Variants in CHRM3 observed in about 807,000 individuals in gnomAD.
CHRM3 encodes muscarinic acetylcholine receptor M3.
A neutral mutation model predicts 41.8 loss-of-function variants in CHRM3; 11 were observed. The ratio of observed to expected loss-of-function variants is 0.26; its 90% confidence interval spans 0.17 to 0.44. CHRM3 has a LOEUF of 0.44. Ranked by LOEUF, CHRM3 falls within the 20% of genes least tolerant of loss-of-function variation. The pLI is 1.00. For missense variants in CHRM3, 571 were observed against 745.4 expected (o/e 0.77, Z 2.72); for synonymous variants, 297 against 301.4 (o/e 0.99, Z 0.15).
At chr1:239,901,900 A>C (rs1377152190) in intron 6 of CHRM3, among the ~76,000 whole-genome samples, 1 of 152,192 alleles carries the variant, frequency 6.6e-6, no homozygotes, top group Non-Finnish European at 1.5e-5. Context: ...TTCATGGTGT[A>C]CATGCCTTTT....
At chr1:239,668,089 CTTTTTTTTTTTTTT>C (rs1221135009) in intron 4 of CHRM3, among the ~76,000 whole-genome samples, 237 of 75,604 alleles carry the variant, frequency 3.1e-3, no homozygotes, top group African/African-American at 0.011. Flanking sequence ...TTTCCCCTTT[CTTTTTTTTTTTTTT>C]TTTTTTTTTT....
intron 3 of CHRM3, among the ~76,000 whole-genome samples, chr1:239,583,857 T>A (rs1420249592): frequency 6.6e-6 from 1 of 152,088 alleles, no homozygotes; most frequent in Non-Finnish European, 1.5e-5. Flanking sequence ...CTCTTGTGAC[T>A]ATTTAGAGAA....
At position 239,684,638 on chromosome 1, in the gene CHRM3, G is replaced by A. The variant is rs534478481; in HGVS notation, c.-147+6350G>A. Among the ~76,000 whole-genome samples the A allele has an allele frequency of 4.0e-5, 6 of 149,082 alleles. No homozygotes were observed. The South Asian group carries it at 1.1e-3, about 27-fold the overall frequency. On this transcript the variant is annotated intron_variant, in intron 5 of 6. Transcript: ENST00000676153. ...TGCACTACAGCCTGGGCAACAGAGC[G>A]AGATTCCGTCTCAAAAAAAAGAAAA...
In CHRM3 at chr1:239,827,356, C is replaced by T. The variant is rs1001445936; in HGVS notation, c.-42C>T. ...ATGTCACTGTTTTGCATCCTTGTTA[C>T]ATAACTCAGTTCCTGGTAGATTGTA... On this transcript the variant is annotated 5_prime_UTR_variant, in exon 6 of 7. Transcript: ENST00000676153. The T allele has an allele frequency of 2.0e-5, 3 of 152,158 alleles. No homozygotes were observed. The highest frequency in any genetic ancestry group is 7.2e-5 in the African/African-American group (3 of 41,434). The allele number at this position is 152,158 out of a possible 1,614,324, so 9.4% of individuals were successfully genotyped here.
intron 5 of CHRM3, among the ~76,000 whole-genome samples, chr1:239,739,062 GT>G (rs1286556406): frequency 1.3e-5 from 2 of 152,182 alleles, no homozygotes; most frequent in Non-Finnish European, 2.9e-5. Flanking sequence ...TAAGAACAGA[GT>G]TGCTGTTCTG....
At chr1:239,414,467 G>A (rs376957257) in intron 1 of CHRM3, among the ~76,000 whole-genome samples, 1 of 152,212 alleles carries the variant, frequency 6.6e-6, no homozygotes, top group Non-Finnish European at 1.5e-5. Flanking sequence ...CCATCCTCCA[G>A]CCTTTTCAAT....
chr1:239,816,550 C>T (rs1671602292), intron 5 of CHRM3, among the ~76,000 whole-genome samples: 1 of 152,028 alleles, frequency 6.6e-6, no homozygotes, highest in African/African-American at 2.4e-5. Flanking sequence ...CAGAATGTTG[C>T]TCCCCAGGCC....
rs979545722 is a variant in CHRM3, at chr1:239,522,374, G to A, written c.-421-23267G>A. Reference sequence around the variant, plus strand: ...TGTGAGTGAGCCTCTTGGAAGCTGGGGCCAGAGTCCCACCCAATCCCTTAG... The same window carrying A: ...TGTGAGTGAGCCTCTTGGAAGCTGGAGCCAGAGTCCCACCCAATCCCTTAG... On this transcript the variant is annotated intron_variant, in intron 2 of 6. Transcript: ENST00000676153. Among the ~76,000 whole-genome samples, 10 of 152,284 alleles carry A rather than the reference G, an allele frequency of 6.6e-5. No homozygotes were observed. The East Asian group carries it at 1.9e-3, about 29-fold the overall frequency.
rs149003096 is a variant in CHRM3 at position 239,477,968 on chromosome 1, A to G, written c.-520-14741A>G. 8.1e-4 allele frequency among the ~76,000 whole-genome samples: 123 copies of G among 152,298 alleles called. 1 individual carries two copies. The highest frequency in any genetic ancestry group is 2.8e-3 in the African/African-American group (117 of 41,586). On this transcript the variant is annotated intron_variant, in intron 1 of 6. Coordinates refer to ENST00000676153, the MANE Select transcript of CHRM3 (RefSeq NM_001375978.1). The stretch of plus-strand genomic sequence containing the variant: ...CAGCGAGGCTGATTGAAGCTGGGGT[A>G]GTACTGAGAAGGTGCACCTAGGGTG...
chr1:239,551,468 A>G (rs1659821695), intron 3 of CHRM3, among the ~76,000 whole-genome samples: 1 of 151,048 alleles, frequency 6.6e-6, no homozygotes, highest in African/African-American at 2.4e-5. Context: ...GGCCTATGTT[A>G]TTATTATTGT....
At chr1:239,443,902 C>T (rs1035901512) in intron 1 of CHRM3, among the ~76,000 whole-genome samples, 2 of 152,124 alleles carry the variant, frequency 1.3e-5, no homozygotes, top group South Asian at 2.1e-4. Flanking sequence ...CTTCCTTCAC[C>T]CAATTATTTT....
intron 1 of CHRM3, among the ~76,000 whole-genome samples, chr1:239,481,615 C>T (rs940293396): frequency 2.0e-4 from 30 of 152,088 alleles, no homozygotes; most frequent in African/African-American, 7.0e-4. Context: ...GGACGTTGGT[C>T]ATGTTGAAGA....
chr1:239,785,105 C>T (rs1409715178), intron 5 of CHRM3, among the ~76,000 whole-genome samples: 1 of 152,112 alleles, frequency 6.6e-6, no homozygotes, highest in Admixed American at 6.5e-5. Flanking sequence ...GCTTTGCAAC[C>T]TCTCAGCAAG....
rs1380703170 is a variant in CHRM3 at position 239,907,960 on chromosome 1, T to C, written c.509T>C (p.Ile170Thr). 6.2e-7 allele frequency: 1 copy of C among 1,614,164 alleles called. No homozygotes were observed. The highest frequency in any genetic ancestry group is 1.3e-5 in the African/African-American group (1 of 75,026). ...LVISFDRYFS[I>T]TRPLTYRAKR... ...ATCAGCTTTGACAGATACTTTTCCA[T>C]CACGAGGCCGCTCACGTACCGAGCC... The change falls in exon 7 of 7, where the codon ATC (isoleucine) becomes ACC (threonine). Residue 170 changes from isoleucine to threonine, a missense_variant. Ile to Thr is a moderately conservative substitution (Grantham distance 89, BLOSUM62 -1). Around this residue, in one of 5 missense-constraint regions of CHRM3, gnomAD observed 153 missense variants for 296.3 expected, o/e 0.52. Transcript: ENST00000676153. The surrounding 1 kb of genome is among the most constrained non-coding windows in gnomAD (Gnocchi z 5.4).
At position 239,535,825 on chromosome 1, in the gene CHRM3, G is replaced by A. The variant is rs113973420; in HGVS notation, c.-421-9816G>A. On this transcript the variant is annotated intron_variant, in intron 2 of 6. Coordinates refer to ENST00000676153, the MANE Select transcript of CHRM3 (RefSeq NM_001375978.1). Reference sequence around the variant, plus strand: ...AATGGGCACAGCCACAGGTTAGTCCGGAGCAAAGATAAGGGCTGCTAAAGA... The same window carrying A: ...AATGGGCACAGCCACAGGTTAGTCCAGAGCAAAGATAAGGGCTGCTAAAGA... 2.5e-3 allele frequency among the ~76,000 whole-genome samples: 386 copies of A among 152,140 alleles called. 1 individual carries two copies. The highest frequency in any genetic ancestry group is 8.9e-3 in the African/African-American group (369 of 41,492).
At chr1:239,437,667 A>T (rs1663381228) in intron 1 of CHRM3, among the ~76,000 whole-genome samples, 1 of 152,216 alleles carries the variant, frequency 6.6e-6, no homozygotes, top group Non-Finnish European at 1.5e-5. Context: ...CTCCTGAGTA[A>T]CTGGGATTAC....
chr1:239,790,041 G>A (rs1340208986), intron 5 of CHRM3, among the ~76,000 whole-genome samples: 1 of 152,124 alleles, frequency 6.6e-6, no homozygotes, highest in Non-Finnish European at 1.5e-5. Context: ...TTTGTAACCC[G>A]TGTATTTACT....
intron 6 of CHRM3, among the ~76,000 whole-genome samples, chr1:239,881,245 T>C (rs1454192974): frequency 1.8e-5 from 2 of 110,824 alleles, no homozygotes; most frequent in Non-Finnish European, 3.3e-5. Context: ...ATCCCGCCCC[T>C]GCACTCCAGC....
intron 4 of CHRM3, among the ~76,000 whole-genome samples, chr1:239,671,241 T>G (rs1674336521): frequency 6.6e-6 from 1 of 152,260 alleles, no homozygotes; most frequent in East Asian, 1.9e-4. Flanking sequence ...AAACTCACTG[T>G]GGGTTCTCTT....
Sources: gnomAD v4.1 joint callset for allele counts (sites outside exome capture counted in the v4.1 genomes callset) on GRCh38, gnomAD v4.1.1 for gene constraint, gnomAD v4.1.1 regional missense constraint, Gnocchi (gnomAD v3.1) non-coding constraint, MANE v1.5 for transcripts, NCBI Gene and HGNC (gene_info 2026-07-23, HGNC 2026-07-21) for gene names.